The following OSBPL9 variants were observed in gnomAD, a reference collection of about 807,000 sequenced individuals.
OSBPL9 encodes oxysterol binding protein like 9.
Under a neutral mutation model 106.6 loss-of-function variants are expected in OSBPL9, and 40 were observed. That is an observed-to-expected ratio of 0.38 (90% CI 0.29 to 0.49). The LOEUF (loss-of-function observed/expected upper bound fraction) is 0.49, where lower values mean the gene tolerates loss of function less well. Ranked by LOEUF, OSBPL9 falls within the 20% of genes least tolerant of loss-of-function variation. The pLI, the probability that OSBPL9 is intolerant of heterozygous loss-of-function variation, is 0.97. For missense variants in OSBPL9, 609 were observed against 887.2 expected, an observed-to-expected ratio of 0.69 and a Z score of 3.98; for synonymous variants, 269 against 295.4, an observed-to-expected ratio of 0.91 and a Z score of 0.92.
At position 51,693,179 on chromosome 1, in the gene OSBPL9, G is replaced by A. The variant is rs114170676; in HGVS notation, c.242-20824G>A. Among the ~76,000 whole-genome samples, 1,022 of 151,946 alleles carry A rather than the reference G, an allele frequency of 6.7e-3. 2 individuals are homozygous for A. Among genetic ancestry groups the A allele is most frequent in the Non-Finnish European group, 0.011 (716 of 67,938 alleles). On this transcript the variant is annotated intron_variant, in intron 3 of 23. Transcript: ENST00000428468. ...GGTTGAGCCCAGGATGTCAAGACCAGCCTGGGTAACATACCGAGACCCTGT... is the reference window on the plus strand; with the variant it reads ...GGTTGAGCCCAGGATGTCAAGACCAACCTGGGTAACATACCGAGACCCTGT...
rs1186941290 is a variant in OSBPL9 at position 51,760,618 on chromosome 1, G to T, written c.583-72G>T. 4 of 1,601,678 alleles carry T rather than the reference G, an allele frequency of 2.5e-6. No homozygotes were observed. The Admixed American group carries it at 6.8e-5, about 27-fold the overall frequency. On this transcript the variant is annotated intron_variant, in intron 9 of 23. Transcript: ENST00000428468. ...CCCTCAGGATTTTGAAGTCATAAAT[G>T]TGGGCATTTGGGAGGGTAGCATGAG...
chr1:51,605,294 TAAATC>T (rs1643937552), intron 2 of OSBPL9, among the ~76,000 whole-genome samples: 1 of 152,014 alleles, frequency 6.6e-6, no homozygotes, highest in Non-Finnish European at 1.5e-5. Flanking sequence ...GCTGGAGAGA[TAAATC>T]AAGAAAATCA....
the OSBPL9 span, among the ~76,000 whole-genome samples, chr1:51,518,964 G>GGGGCA: frequency 3.3e-5 from 5 of 151,324 alleles, no homozygotes; most frequent in African/African-American, 1.2e-4. Context: ...CGCGCGGGGC[G>GGGGCA]GGGCAGGAGG....
At chr1:51,770,483 AC>A (rs950790009) in intron 12 of OSBPL9, among the ~76,000 whole-genome samples, 15 of 151,680 alleles carry the variant, frequency 9.9e-5, no homozygotes, top group Non-Finnish European at 1.2e-4. Context: ...TCACCATGTT[AC>A]CCAGGCTAGA....
chr1:51,574,949 G>T (rs1298048595), upstream of OSBPL9, among the ~76,000 whole-genome samples: 2 of 152,058 alleles, frequency 1.3e-5, no homozygotes, highest in Non-Finnish European at 2.9e-5. Context: ...TTTTGCTTTG[G>T]CATGGATGGC....
At chr1:51,746,089 T>G (rs1428157241) in intron 5 of OSBPL9, among the ~76,000 whole-genome samples, 1 of 152,128 alleles carries the variant, frequency 6.6e-6, no homozygotes, top group African/African-American at 2.4e-5. Context: ...CTCAGCCTCC[T>G]AAGTAGCTGG....
the OSBPL9 span, among the ~76,000 whole-genome samples, chr1:51,540,840 T>C: frequency 6.6e-6 from 1 of 150,474 alleles, no homozygotes; most frequent in Non-Finnish European, 1.5e-5. Context: ...GCGTCTGTAA[T>C]CCCAGCTACT....
chr1:51,720,330 CTT>C (rs1167647452), intron 4 of OSBPL9, among the ~76,000 whole-genome samples: 10 of 144,134 alleles, frequency 6.9e-5, no homozygotes, highest in Admixed American at 6.9e-5. Context: ...TTCTTTTTCT[CTT>C]TTTTTTTTTT....
intron 14 of OSBPL9, among the ~76,000 whole-genome samples, chr1:51,775,508 A>G (rs534433324): frequency 1.9e-4 from 29 of 152,224 alleles, no homozygotes; most frequent in Middle Eastern, 3.4e-3. Context: ...GGGTGCTTAG[A>G]GCATTCTTGT....
At chr1:51,548,095 A>T in the OSBPL9 span, among the ~76,000 whole-genome samples, 10 of 152,232 alleles carry the variant, frequency 6.6e-5, no homozygotes, top group Non-Finnish European at 1.2e-4. Flanking sequence ...CATAATTTTT[A>T]AAAAAATCAT....
chr1:51,647,239 T>C (rs1646217431), intron 1 of OSBPL9, among the ~76,000 whole-genome samples: 1 of 152,224 alleles, frequency 6.6e-6, no homozygotes, highest in South Asian at 2.1e-4. Flanking sequence ...TTGTTTCTTA[T>C]ACGTTGACTC....
chr1:51,628,844 C>A (rs934404070), intron 1 of OSBPL9, among the ~76,000 whole-genome samples: 1 of 151,508 alleles, frequency 6.6e-6, no homozygotes, highest in Non-Finnish European at 1.5e-5. Context: ...CCACCATGTC[C>A]AGCTAATTTT....
At chr1:51,677,814 G>T (rs1651638368) in intron 3 of OSBPL9, among the ~76,000 whole-genome samples, 1 of 152,120 alleles carries the variant, frequency 6.6e-6, no homozygotes, top group African/African-American at 2.4e-5. Flanking sequence ...CTCCCAAAGT[G>T]CTGGGATTAC....
intron 3 of OSBPL9, among the ~76,000 whole-genome samples, chr1:51,676,879 G>A (rs924934396): frequency 2.6e-5 from 4 of 152,192 alleles, no homozygotes; most frequent in Non-Finnish European, 5.9e-5. Context: ...TAGTGGCGGT[G>A]TTGGTGTTTG....
chr1:51,592,089 C>T (rs1193432503), intron 1 of OSBPL9, among the ~76,000 whole-genome samples: 3 of 146,388 alleles, frequency 2.0e-5, no homozygotes, highest in Admixed American at 6.9e-5. Context: ...CTGACCTCAA[C>T]GATTACTTGT....
At chr1:51,720,603 G>A (rs1200120342) in intron 4 of OSBPL9, among the ~76,000 whole-genome samples, 2 of 151,782 alleles carry the variant, frequency 1.3e-5, no homozygotes, top group Non-Finnish European at 1.5e-5. Context: ...GATTACAGGC[G>A]TGAGCCACCG....
chr1:51,687,705 T>G (rs1310643938), intron 3 of OSBPL9, among the ~76,000 whole-genome samples: 1 of 152,168 alleles, frequency 6.6e-6, no homozygotes, highest in Non-Finnish European at 1.5e-5. Context: ...TATTTTAGAA[T>G]ACACGGGAGG....
chr1:51,598,409 A>G (rs1346990678), intron 2 of OSBPL9, among the ~76,000 whole-genome samples: 1 of 152,226 alleles, frequency 6.6e-6, no homozygotes, highest in Non-Finnish European at 1.5e-5. Flanking sequence ...GTTTTTCAAT[A>G]TCAGCACTAT....
chr1:51,706,554 CCTAT>C (rs1336404345), intron 3 of OSBPL9, among the ~76,000 whole-genome samples: 6 of 151,804 alleles, frequency 4.0e-5, no homozygotes, highest in African/African-American at 1.5e-4. Flanking sequence ...GCTTTAGTGA[CCTAT>C]CTATTGAATG....
Sources: gnomAD v4.1 joint callset for allele counts (sites outside exome capture counted in the v4.1 genomes callset) on GRCh38, gnomAD v4.1.1 for gene constraint, MANE v1.5 for transcripts, NCBI Gene and HGNC (gene_info 2026-07-23, HGNC 2026-07-21) for gene names.